The following METTL15 variants were observed in gnomAD, a reference collection of about 807,000 sequenced individuals.
METTL15 encodes methyltransferase 15, mitochondrial 12S rRNA N4-cytidine, also known as 12S rRNA N(4)-cytidine methyltransferase METTL15.
Under a neutral mutation model 38.3 loss-of-function variants are expected in METTL15, and 34 were observed. The observed-to-expected ratio is 0.89, with a 90% CI of 0.68 to 1.18. The LOEUF (loss-of-function observed/expected upper bound fraction) is 1.18. METTL15 is among the 50% of genes most tolerant of loss of function. The pLI is 0.00. For synonymous variants in METTL15, 162 were observed against 170.9 expected (o/e 0.95, Z 0.41); for missense variants, 438 against 498.4 (o/e 0.88, Z 1.15).
intron 3 of METTL15, among the ~76,000 whole-genome samples, chr11:28,121,677 T>C (rs1004351060): frequency 1.3e-5 from 2 of 152,162 alleles, no homozygotes; most frequent in Non-Finnish European, 2.9e-5. Flanking sequence ...TGTTTTATGA[T>C]GATATCTTAA....
chr11:28,400,781 A>C (rs531690039), intron 5 of METTL15, among the ~76,000 whole-genome samples: 18 of 152,066 alleles, frequency 1.2e-4, no homozygotes, highest in African/African-American at 4.1e-4. Context: ...GATGGGTCTC[A>C]TAATGCTTCC....
chr11:28,341,968 C>T (rs938731012), intron 3 of METTL15, among the ~76,000 whole-genome samples: 1 of 152,182 alleles, frequency 6.6e-6, no homozygotes. Flanking sequence ...CTACAGGTGA[C>T]TGACCCAATC....
chr11:28,304,301 T>C (rs1857006378), intron 6 of METTL15, among the ~76,000 whole-genome samples: 1 of 152,198 alleles, frequency 6.6e-6, no homozygotes, highest in Non-Finnish European at 1.5e-5. Flanking sequence ...CTGGGACATG[T>C]TAAGGTATAT....
At chr11:28,377,676 G>A (rs1400199879) in intron 5 of METTL15, among the ~76,000 whole-genome samples, 1 of 152,162 alleles carries the variant, frequency 6.6e-6, no homozygotes, top group Non-Finnish European at 1.5e-5. Context: ...GTCATTCTCT[G>A]TCCAGCTTTG....
At chr11:28,390,420 G>T (rs979528436) in intron 5 of METTL15, among the ~76,000 whole-genome samples, 1 of 151,964 alleles carries the variant, frequency 6.6e-6, no homozygotes, top group Non-Finnish European at 1.5e-5. Flanking sequence ...GTGTAAGGAA[G>T]GGATCCAGTT....
At chr11:28,285,362 AT>A (rs34972962) in intron 4 of METTL15, among the ~76,000 whole-genome samples, 22,682 of 144,374 alleles carry the variant, frequency 0.16, 1,791 homozygotes, top group East Asian at 0.29. Flanking sequence ...ACATCATGAG[AT>A]TTTTTTTTTT....
At chr11:28,371,650 G>C (rs984504115) in intron 5 of METTL15, among the ~76,000 whole-genome samples, 1 of 151,750 alleles carries the variant, frequency 6.6e-6, no homozygotes, top group South Asian at 2.1e-4. Context: ...CCATTTTATT[G>C]TGTCTTCCTC....
rs538338732 is a variant in METTL15 at position 28,197,398 on chromosome 11, C to A, written c.271-13664C>A. 11 of 262,152 alleles carry A rather than the reference C, an allele frequency of 4.2e-5. No individual in the cohort carries two copies. In the South Asian group the frequency reaches 4.5e-4, roughly 11 times the overall value. 16.2% of individuals were successfully genotyped at this position (262,152 alleles called of 1,614,324 possible). A position where few individuals can be genotyped will look rare whatever the true frequency, so the allele number is the denominator to read the frequency against. ...AATAATTATTTTTTTGATTAAAATCCGTTTTATAATATTATTTATTTATAT... is the reference window on the plus strand; with the variant it reads ...AATAATTATTTTTTTGATTAAAATCAGTTTTATAATATTATTTATTTATAT... On this transcript the variant is annotated intron_variant, in intron 3 of 6. Coordinates refer to ENST00000407364, the MANE Select transcript of METTL15 (RefSeq NM_001113528.2).
intron 4 of METTL15, among the ~76,000 whole-genome samples, chr11:28,227,087 T>C (rs1853510145): frequency 6.6e-6 from 1 of 152,034 alleles, no homozygotes. Flanking sequence ...GTTAGCCTTG[T>C]AAGCTGAAGC....
Position 28,470,925 on chromosome 11 carries a change from C to T in METTL15, c.*424+46561C>T, listed in dbSNP as rs149547521. Reference sequence around the variant, plus strand: ...CTTATTATCTACTTTGGTTTAACCACAATCCCCCTACCCCATCACCTCATT... The same window carrying T: ...CTTATTATCTACTTTGGTTTAACCATAATCCCCCTACCCCATCACCTCATT... On this transcript the variant is annotated intron_variant and NMD_transcript_variant, in intron 6 of 7. Coordinates refer to the METTL15 transcript ENST00000532947. 3.2e-3 allele frequency among the ~76,000 whole-genome samples: 492 copies of T among 152,256 alleles called. 8 individuals carry two copies. The South Asian group carries it at 0.04, about 12-fold the overall frequency.
intron 4 of METTL15, among the ~76,000 whole-genome samples, chr11:28,265,771 C>T (rs1855390890): frequency 1.3e-5 from 2 of 152,182 alleles, no homozygotes; most frequent in Non-Finnish European, 2.9e-5. Context: ...ATCTTCTTGA[C>T]ATCTCCACAT....
At chr11:28,397,657 C>T (rs530604373) in intron 5 of METTL15, among the ~76,000 whole-genome samples, 50 of 152,054 alleles carry the variant, frequency 3.3e-4, no homozygotes, top group Admixed American at 1.0e-3. Flanking sequence ...TAAACTAGTT[C>T]AACCATTGTG....
chr11:28,191,061 T>C (rs1308711573), intron 3 of METTL15, among the ~76,000 whole-genome samples: 1 of 151,442 alleles, frequency 6.6e-6, no homozygotes, highest in Non-Finnish European at 1.5e-5. Context: ...TTCTTTCATA[T>C]GATTATTATA....
chr11:28,380,083 C>G (rs1266720415), intron 5 of METTL15, among the ~76,000 whole-genome samples: 1 of 151,176 alleles, frequency 6.6e-6, no homozygotes, highest in East Asian at 1.9e-4. Flanking sequence ...CATTTTTAGT[C>G]TATGTGTATC....
In METTL15 at chr11:28,365,852, C is replaced by A. The variant is rs531756918; in HGVS notation, c.*358+3816C>A. On this transcript the variant is annotated intron_variant and NMD_transcript_variant, in intron 5 of 7. Transcript: ENST00000532947. The stretch of plus-strand genomic sequence containing the variant: ...AGATCATGAGGCCAGGAGAGTGAGA[C>A]CTTCCTGGCTAACATGGTGAAACCC... Among the ~76,000 whole-genome samples, 12 of 152,182 alleles carry A rather than the reference C, an allele frequency of 7.9e-5. 2 individuals carry two copies. In the South Asian group the frequency reaches 2.3e-3, roughly 29 times the overall value.
At chr11:28,401,708 G>A (rs998379116) in intron 5 of METTL15, among the ~76,000 whole-genome samples, 2 of 151,788 alleles carry the variant, frequency 1.3e-5, no homozygotes, top group African/African-American at 4.8e-5. Context: ...CTTTGATGAA[G>A]ATCTCAATCC....
intron 6 of METTL15, among the ~76,000 whole-genome samples, chr11:28,323,777 CAAAG>C (rs1285621992): frequency 6.6e-6 from 1 of 152,042 alleles, no homozygotes; most frequent in Non-Finnish European, 1.5e-5. Context: ...TGATGTGAGA[CAAAG>C]AAAACAGAAA....
In METTL15 at chr11:28,500,144, C is replaced by T. The variant is rs117032793; in HGVS notation, c.*425-26334C>T. Among the ~76,000 whole-genome samples, 280 of 151,994 alleles carry T rather than the reference C, an allele frequency of 1.8e-3. 1 individual carries two copies. Among genetic ancestry groups the T allele is most frequent in the Middle Eastern group, 3.4e-3 (1 of 292 alleles). The stretch of plus-strand genomic sequence containing the variant: ...TAGAAACTCCTGTAGTGGCTGTGAA[C>T]GGATACACACAATGACTAAATGGTG... On this transcript the variant is annotated intron_variant and NMD_transcript_variant, in intron 6 of 7. Transcript: ENST00000532947.
At chr11:28,221,866 C>A (rs891106125) in intron 4 of METTL15, among the ~76,000 whole-genome samples, 3 of 152,124 alleles carry the variant, frequency 2.0e-5, no homozygotes, top group African/African-American at 7.2e-5. Flanking sequence ...TGTAGAACAG[C>A]AAATATTGGT....
Sources: gnomAD v4.1 joint callset for allele counts (sites outside exome capture counted in the v4.1 genomes callset) on GRCh38, gnomAD v4.1.1 for gene constraint, MANE v1.5 for transcripts, NCBI Gene and HGNC (gene_info 2026-07-23, HGNC 2026-07-21) for gene names.